The following RPGRIP1 variants were observed in gnomAD, a reference collection of about 807,000 sequenced individuals.
The protein encoded by RPGRIP1 is X-linked retinitis pigmentosa GTPase regulator-interacting protein 1.
Under a neutral mutation model 157.9 loss-of-function variants are expected in RPGRIP1, and 128 were observed. That is an observed-to-expected ratio of 0.81 (90% CI 0.70 to 0.94). The LOEUF (loss-of-function observed/expected upper bound fraction) is 0.94. Ranked by LOEUF, RPGRIP1 falls within the 40% of genes least tolerant of loss-of-function variation. The pLI, the probability that RPGRIP1 is intolerant of heterozygous loss-of-function variation, is 0.00. For synonymous variants in RPGRIP1, 554 were observed against 571.6 expected (o/e 0.97, Z 0.44); for missense variants, 1,486 against 1,545.8 (o/e 0.96, Z 0.65).
chr14:21,317,918 T>C, intron 11 of RPGRIP1, 68 bp downstream of exon 11: 1 of 1,369,052 alleles, frequency 7.3e-7, no homozygotes, highest in Non-Finnish European at 1.0e-6. Context: ...AGAAGATAAC[T>C]TGAGCCATCA....
chr14:21,312,056 C>A, intron 9 of RPGRIP1, 86 bp downstream of exon 9: 2 of 1,267,312 alleles, frequency 1.6e-6, no homozygotes, highest in Non-Finnish European at 2.2e-6. Context: ...ATGAGTATTG[C>A]ATTTTTTCAA....
At chr14:21,340,509 G>T (rs1214710626) in intron 21 of RPGRIP1, among the ~76,000 whole-genome samples, 1 of 152,144 alleles carries the variant, frequency 6.6e-6, no homozygotes, top group Non-Finnish European at 1.5e-5. Context: ...ATAAAAATTA[G>T]TCGGGCATGG....
intron 1 of RPGRIP1, among the ~76,000 whole-genome samples, 82 bp downstream of exon 1, chr14:21,280,241 C>CTTTTT (rs35642254): frequency 2.7e-5 from 3 of 109,370 alleles, no homozygotes; most frequent in East Asian, 2.7e-4. Context: ...TAAGTTTATT[C>CTTTTT]TTTTTTTTTT....
chr14:21,325,204 C>A (rs1408214274), intron 15 of RPGRIP1, 28 bp from the exon 16 acceptor site: 9 of 1,582,744 alleles, frequency 5.7e-6, no homozygotes, highest in Non-Finnish European at 7.7e-6. Flanking sequence ...TCTGTATTCC[C>A]CCTGCTTTCA....
chr14:21,295,808 CTGTT>C (rs1304263794), intron 3 of RPGRIP1, among the ~76,000 whole-genome samples: 1 of 152,038 alleles, frequency 6.6e-6, no homozygotes, highest in Non-Finnish European at 1.5e-5. Flanking sequence ...GAGTCTCACT[CTGTT>C]TGGGCTGGAG....
chr14:21,282,188 C>T (rs1233881500), intron 1 of RPGRIP1, among the ~76,000 whole-genome samples: 1 of 152,196 alleles, frequency 6.6e-6, no homozygotes, highest in Non-Finnish European at 1.5e-5. Context: ...TCTTCACCCT[C>T]ACTAACCTAT....
At chr14:21,282,096 A>G (rs2139125169) in intron 1 of RPGRIP1, among the ~76,000 whole-genome samples, 1 of 152,288 alleles carries the variant, frequency 6.6e-6, no homozygotes, top group African/African-American at 2.4e-5. Context: ...CTCTGTCTCG[A>G]AAAAAGAGGA....
At chr14:21,338,856 T>G (rs1566360829) in intron 21 of RPGRIP1, among the ~76,000 whole-genome samples, 1 of 152,322 alleles carries the variant, frequency 6.6e-6, no homozygotes, top group East Asian at 1.9e-4. Context: ...TTTAAAAAAT[T>G]TGCTGGGTGT....
intron 24 of RPGRIP1, among the ~76,000 whole-genome samples, chr14:21,349,491 C>G (rs1885948927): frequency 6.8e-6 from 1 of 147,290 alleles, no homozygotes; most frequent in Admixed American, 7.0e-5. Context: ...ACCTCTGCCT[C>G]TTTCTTAATC....
At chr14:21,304,444 A>ATT (rs1881210120) in intron 6 of RPGRIP1, among the ~76,000 whole-genome samples, 1 of 144,420 alleles carries the variant, frequency 6.9e-6, no homozygotes, top group Non-Finnish European at 1.5e-5. Flanking sequence ...AGAAAGAAAG[A>ATT]AATTAACCTA....
At chr14:21,347,702 G>A (rs1885704691) in intron 23 of RPGRIP1, among the ~76,000 whole-genome samples, 1 of 152,134 alleles carries the variant, frequency 6.6e-6, no homozygotes, top group Non-Finnish European at 1.5e-5. Flanking sequence ...AGAATGGGGA[G>A]TGACTGCTTA....
At position 21,348,663 on chromosome 14, in the gene RPGRIP1, C is replaced by CT. The variant is rs10561385; in HGVS notation, c.3748+381dup. Reference sequence around the variant, plus strand: ...TTCTTTATGTTATCATGCATCCAGTCTTTTTTTTTTTTTTTTTTTTGAGAT... The same window carrying CT: ...TTCTTTATGTTATCATGCATCCAGTCTTTTTTTTTTTTTTTTTTTTTGAGAT... On this transcript the variant is annotated intron_variant, in intron 24 of 24. Coordinates refer to ENST00000400017, the MANE Select transcript of RPGRIP1 (RefSeq NM_020366.4). Among the ~76,000 whole-genome samples, 177 of 82,350 alleles carry CT rather than the reference C, an allele frequency of 2.1e-3. 3 individuals carry two copies. In the East Asian group the frequency reaches 0.026, roughly 12 times the overall value. The allele number at this position is 82,350 out of a possible 152,430, so 54.0% of individuals were successfully genotyped here.
chr14:21,317,874 T>G, intron 11 of RPGRIP1, 24 bp downstream of exon 11: 9 of 1,580,552 alleles, frequency 5.7e-6, no homozygotes, highest in Non-Finnish European at 7.8e-6. Flanking sequence ...TGAAGAGCTC[T>G]CTCAAATGTG....
intron 3 of RPGRIP1, among the ~76,000 whole-genome samples, chr14:21,295,353 G>C (rs1331218629): frequency 6.6e-6 from 1 of 151,996 alleles, no homozygotes; most frequent in East Asian, 1.9e-4. Flanking sequence ...AGAAAAGCCT[G>C]CAGGGGCAAG....
chr14:21,343,180 C>G lies in RPGRIP1; in HGVS notation c.3484C>G (p.Leu1162Val). The G allele has an allele frequency of 5.0e-6, 8 of 1,613,394 alleles. No homozygotes were observed. Among genetic ancestry groups the G allele is most frequent in the Non-Finnish European group, 5.9e-6 (7 of 1,179,670 alleles). ...PLSETETPVS[L>V]RKPRAGEEIH... ...GTCGGAGACAGAGACTCCAGTGTCC[C>G]TAAGGAAGCCTAGGGCAGGAGAAGA... Residue 1162 changes from leucine to valine, a missense_variant, in exon 22 of 25, where the codon CTA becomes GTA. Coordinates refer to ENST00000400017, the MANE Select transcript of RPGRIP1 (RefSeq NM_020366.4).
At chr14:21,310,454 C>G in intron 7 of RPGRIP1, 130 bp from the exon 8 acceptor site, 1 of 565,748 alleles carries the variant, frequency 1.8e-6, no homozygotes, top group Non-Finnish European at 3.1e-6. Flanking sequence ...AATTAGTAAA[C>G]AAGTACACAA....
chr14:21,345,069 A>G (rs1885425580), intron 22 of RPGRIP1, 44 bp from the exon 23 acceptor site: 1 of 1,280,288 alleles, frequency 7.8e-7, no homozygotes, highest in Non-Finnish European at 1.1e-6. Flanking sequence ...CTCACACTGC[A>G]ACAGTATATG....
At chr14:21,320,534 G>A (rs1414986820) in intron 12 of RPGRIP1, among the ~76,000 whole-genome samples, 5 of 148,820 alleles carry the variant, frequency 3.4e-5, no homozygotes, top group African/African-American at 7.5e-5. Context: ...CTCGTGATCC[G>A]CCCACCTCGG....
intron 17 of RPGRIP1, among the ~76,000 whole-genome samples, chr14:21,327,196 A>G (rs1280604094): frequency 6.6e-6 from 1 of 152,196 alleles, no homozygotes; most frequent in Non-Finnish European, 1.5e-5. Flanking sequence ...AGTGTTACAA[A>G]TCAGACATCT....
Sources: gnomAD v4.1 joint callset for allele counts (sites outside exome capture counted in the v4.1 genomes callset) on GRCh38, gnomAD v4.1.1 for gene constraint, MANE v1.5 for transcripts, NCBI Gene and HGNC (gene_info 2026-07-23, HGNC 2026-07-21) for gene names.